Variants in CARHSP1 observed in about 807,000 individuals in gnomAD.
The protein encoded by CARHSP1 is calcium-regulated heat-stable protein 1.
A neutral mutation model predicts 12.5 loss-of-function variants in CARHSP1; 14 were observed. The observed-to-expected ratio is 1.12, with a 90% confidence interval of 0.74 to 1.75. The LOEUF (loss-of-function observed/expected upper bound fraction) is 1.75, where lower values mean the gene tolerates loss of function less well. Among genes scored for constraint, CARHSP1 ranks in the 40% most tolerant of loss-of-function variants. The pLI, the probability that CARHSP1 is intolerant of heterozygous loss-of-function variation, is 0.00. For synonymous variants in CARHSP1, 161 were observed against 82.0 expected (o/e 1.96, Z -5.20); for missense variants, 343 against 201.6 (o/e 1.70, Z -4.25).
intron 3 of CARHSP1, among the ~76,000 whole-genome samples, chr16:8,856,867 C>T (rs964387414): frequency 1.3e-5 from 2 of 152,136 alleles, no homozygotes; most frequent in East Asian, 3.9e-4. Flanking sequence ...TGGGTGCCTT[C>T]CAGCCCAGCC....
chr16:8,865,179 G>T (rs1170943741), intron 1 of CARHSP1, among the ~76,000 whole-genome samples: 4 of 152,186 alleles, frequency 2.6e-5, no homozygotes, highest in African/African-American at 9.7e-5. Context: ...CACAATCTCA[G>T]CTCACTGCAG....
In CARHSP1 at chr16:8,858,791, C is replaced by CG. The variant is rs1178511051; in HGVS notation, c.159-320dup. 14 of 423,868 alleles carry CG rather than the reference C, an allele frequency of 3.3e-5. No homozygotes were observed. In the East Asian group the frequency reaches 5.2e-4, roughly 16 times the overall value. The allele number at this position is 423,868 out of a possible 1,614,324, so 26.3% of individuals were successfully genotyped here. ...ATTAATAACACAAGCATCCTCCACTCGCAAGGCCTGAGACCTGCATCTGCC... is the reference window on the plus strand; with the variant it reads ...ATTAATAACACAAGCATCCTCCACTCGGCAAGGCCTGAGACCTGCATCTGCC... On this transcript the variant is annotated intron_variant, in intron 2 of 3. Coordinates refer to ENST00000311052, the MANE Select transcript of CARHSP1 (RefSeq NM_014316.4).
intron 1 of CARHSP1, chr16:8,861,792 G>C: frequency 8.0e-7 from 1 of 1,250,148 alleles, no homozygotes; most frequent in Non-Finnish European, 1.0e-6. Flanking sequence ...TACCAGCACA[G>C]GTCATAGAGT....
At position 8,855,145 on chromosome 16, in the gene CARHSP1, G is replaced by C; in HGVS notation, c.*19C>G. ...AAAGTCTCCCACAAGCACAGGACAA[G>C]GGGTGCTTCCACCATCTCCTAGGAG... On this transcript the variant is annotated 3_prime_UTR_variant, in exon 4 of 4. Coordinates refer to ENST00000311052, the MANE Select transcript of CARHSP1 (RefSeq NM_014316.4). 1 of 1,561,862 alleles carries C rather than the reference G, an allele frequency of 6.4e-7. No homozygotes were observed. The highest frequency in any genetic ancestry group is 8.7e-7 in the Non-Finnish European group (1 of 1,149,056).
chr16:8,860,056 G>A, intron 1 of CARHSP1: 18 of 809,618 alleles, frequency 2.2e-5, no homozygotes, highest in Non-Finnish European at 2.7e-5. Flanking sequence ...GACCCTCCCT[G>A]ACGCTGCTGG....
intron 1 of CARHSP1, chr16:8,860,468 C>G (rs571770027): frequency 1.2e-5 from 12 of 985,268 alleles, no homozygotes; most frequent in Non-Finnish European, 1.4e-5. Context: ...ATGAAGGTGT[C>G]GGCTCTAACG....
intron 1 of CARHSP1, 45 bp from the exon 2 acceptor site, chr16:8,859,380 G>A (rs1406045208): frequency 1.3e-6 from 2 of 1,545,782 alleles, no homozygotes; most frequent in African/African-American, 1.4e-5. Context: ...TTGCAAGGTA[G>A]GGACCCTGTG....
chr16:8,860,551 A>C (rs1030700385), intron 1 of CARHSP1: 1 of 984,504 alleles, frequency 1.0e-6, no homozygotes, highest in Non-Finnish European at 1.2e-6. Flanking sequence ...GTCCTTTCCC[A>C]TCTCTGGGCT....
intron 1 of CARHSP1, among the ~76,000 whole-genome samples, chr16:8,862,920 C>T (rs1303897088): frequency 6.6e-6 from 1 of 152,022 alleles, no homozygotes; most frequent in Non-Finnish European, 1.5e-5. Context: ...TGGGGGCCCC[C>T]TTCTTTCTCC....
intron 3 of CARHSP1, among the ~76,000 whole-genome samples, chr16:8,857,147 G>A (rs902182709): frequency 3.9e-5 from 6 of 151,944 alleles, no homozygotes; most frequent in African/African-American, 1.4e-4. Context: ...AGCAGTCCCT[G>A]CTGCTCACAC....
In CARHSP1 at chr16:8,854,662, G is replaced by C. The variant is rs1421219531; in HGVS notation, c.*502C>G. Reference sequence around the variant, plus strand: ...CTAGAACCAACCAAGCCAAGAATTAGAAAACTGCTTTGCCCAGGCCCCAGG... The same window carrying C: ...CTAGAACCAACCAAGCCAAGAATTACAAAACTGCTTTGCCCAGGCCCCAGG... On this transcript the variant is annotated 3_prime_UTR_variant, in exon 4 of 4. Coordinates refer to ENST00000311052, the MANE Select transcript of CARHSP1 (RefSeq NM_014316.4). The C allele has an allele frequency of 6.6e-6, 1 of 152,230 alleles. No homozygotes were observed. Among genetic ancestry groups the C allele is most frequent in the East Asian group, 1.9e-4 (1 of 5,152 alleles). The allele number at this position is 152,230 out of a possible 1,614,324, so 9.4% of individuals were successfully genotyped here.
At chr16:8,867,135 AC>A (rs2141131901) in intron 1 of CARHSP1, 1 of 152,304 alleles carries the variant, frequency 6.6e-6, no homozygotes, top group South Asian at 2.1e-4. Flanking sequence ...CTCAGCCTGG[AC>A]TGCCCCTCCT....
At chr16:8,858,622 C>T (rs2061234440) in intron 2 of CARHSP1, 150 bp from the exon 3 acceptor site, 5 of 931,814 alleles carry the variant, frequency 5.4e-6, no homozygotes, top group South Asian at 1.8e-5. Context: ...CAACCCTCAA[C>T]CCTGGGAGCC....
chr16:8,857,778 T>C (rs1181509860), intron 3 of CARHSP1: 1 of 124,556 alleles, frequency 8.0e-6, no homozygotes, highest in African/African-American at 3.0e-5. Context: ...TTTTTTTTTT[T>C]GAGATGGAGT....
intron 3 of CARHSP1, among the ~76,000 whole-genome samples, chr16:8,855,839 T>C (rs1274666894): frequency 3.3e-5 from 5 of 152,182 alleles, no homozygotes; most frequent in Non-Finnish European, 5.9e-5. Context: ...CTGCCTTTTT[T>C]TGAGACAGAG....
rs2061062607 is a variant in CARHSP1 at position 8,855,299 on chromosome 16, T to C, written c.309A>G (p.Glu103=). 1 of 1,608,370 alleles carries C rather than the reference T, an allele frequency of 6.2e-7. No individual in the cohort carries two copies. Among genetic ancestry groups the C allele is most frequent in the African/African-American group, 1.3e-5 (1 of 74,770 alleles). The change falls in exon 4 of 4, where the codon GAA becomes GAG. Residue 103 remains glutamate (E), a synonymous_variant. Coordinates refer to ENST00000311052, the MANE Select transcript of CARHSP1 (RefSeq NM_014316.4). ...SDVEGEYVPV[E]GDEVTYKMCS... ...ACATTTTATAGGTGACCTCGTCGCC[T>C]TCCACTGGGACATACTCCCCTTCCA...
At chr16:8,856,329 G>A (rs2061105633) in intron 3 of CARHSP1, among the ~76,000 whole-genome samples, 1 of 152,136 alleles carries the variant, frequency 6.6e-6, no homozygotes, top group Non-Finnish European at 1.5e-5. Flanking sequence ...CCTAGTAACT[G>A]GTTTGTTTTG....
chr16:8,858,427 T>G lies in CARHSP1; in HGVS notation c.204A>C (p.Lys68Asn), dbSNP rs1279994950. The change falls in exon 3 of 4, where the codon AAA (lysine) becomes AAC (asparagine). Residue 68 changes from lysine to asparagine, a missense_variant. Physicochemically the swap from Lys to Asn is moderately conservative, Grantham distance 94. Coordinates refer to ENST00000311052, the MANE Select transcript of CARHSP1 (RefSeq NM_014316.4). ...CATGGCCCTTGGACCGGCAGAAGCA[T>G]TTGCAGACTCCTTTGTAGACGGGGC... is the stretch of plus-strand genomic sequence containing the variant. ...SQGPVYKGVC[K>N]CFCRSKGHGF... is the part of the protein sequence containing the mutation. 6.2e-7 allele frequency: 1 copy of G among 1,613,912 alleles called. No homozygotes were observed. The highest frequency in any genetic ancestry group is 1.1e-5 in the South Asian group (1 of 91,078).
At position 8,853,220 on chromosome 16, in the gene CARHSP1, G is replaced by A. The variant is rs1657067; in HGVS notation, c.*1944C>T. The A allele has an allele frequency of 0.93, 141,321 of 152,160 alleles. 65,696 individuals are homozygous for A. The highest frequency in any genetic ancestry group is 1 in the East Asian group (5,168 of 5,172). 9.4% of individuals were successfully genotyped at this position (152,160 alleles called of 1,614,324 possible). The stretch of plus-strand genomic sequence containing the variant: ...AGGATTCTGCCAAGACAGAATCCCA[G>A]GGTCACAGGAGAGAGGCTTGGGGCA... On this transcript the variant is annotated 3_prime_UTR_variant, in exon 4 of 4. Coordinates refer to ENST00000311052, the MANE Select transcript of CARHSP1 (RefSeq NM_014316.4).
Sources: gnomAD v4.1 joint callset for allele counts (sites outside exome capture counted in the v4.1 genomes callset) on GRCh38, gnomAD v4.1.1 for gene constraint, MANE v1.5 for transcripts, NCBI Gene and HGNC (gene_info 2026-07-23, HGNC 2026-07-21) for gene names.